The following TNIP3 variants were observed in gnomAD, a reference collection of about 807,000 sequenced individuals.
TNIP3 encodes TNFAIP3 interacting protein 3.
TNIP3 carries 34 observed loss-of-function variants against 54.1 expected under a neutral mutation model. That is an observed-to-expected ratio of 0.63 (90% CI 0.48 to 0.84). The LOEUF (loss-of-function observed/expected upper bound fraction) is 0.84, where lower values mean the gene tolerates loss of function less well. Among genes scored for constraint, TNIP3 ranks in the 40% least tolerant of loss-of-function variants. TNIP3 has a pLI of 0.00. For synonymous variants in TNIP3, 134 were observed against 136.8 expected (o/e 0.98, Z 0.14); for missense variants, 366 against 387.6 (o/e 0.94, Z 0.47).
At chr4:121,171,531 A>C (rs1410462836) in intron 3 of TNIP3, among the ~76,000 whole-genome samples, 1 of 152,214 alleles carries the variant, frequency 6.6e-6, no homozygotes, top group Non-Finnish European at 1.5e-5. Context: ...AGGCATAAAA[A>C]CTTATACCAA....
intron 2 of TNIP3, among the ~76,000 whole-genome samples, chr4:121,190,282 C>A (rs1725238515): frequency 6.6e-6 from 1 of 152,194 alleles, no homozygotes; most frequent in Non-Finnish European, 1.5e-5. Flanking sequence ...GAATTATAAA[C>A]TTCATGAAGG....
At chr4:121,224,180 T>C (rs371261688) in intron 1 of TNIP3, among the ~76,000 whole-genome samples, 2 of 152,160 alleles carry the variant, frequency 1.3e-5, no homozygotes. Flanking sequence ...CTGGCCAATG[T>C]GGCGAAACCC....
intron 3 of TNIP3, among the ~76,000 whole-genome samples, chr4:121,170,015 TTC>T (rs1237754243): frequency 6.6e-6 from 1 of 152,184 alleles, no homozygotes; most frequent in African/African-American, 2.4e-5. Context: ...GTTTAAAGAT[TTC>T]TGAGTGCCCA....
rs188889719 is a variant in TNIP3, at chr4:121,139,759, A to G, written c.886-1075T>C. ...CTCCTCTGGCTTATGAAAAAGCTAG[A>G]AGAGGAAATGAGATCACCTCTGTTT... On this transcript the variant is annotated intron_variant, in intron 9 of 10. Transcript: ENST00000057513. 4.8e-3 allele frequency among the ~76,000 whole-genome samples: 734 copies of G among 152,274 alleles called. 1 individual carries two copies. Among genetic ancestry groups the G allele is most frequent in the South Asian group, 0.013 (63 of 4,820 alleles).
At chr4:121,221,647 C>A (rs1180998434) in intron 1 of TNIP3, among the ~76,000 whole-genome samples, 1 of 152,172 alleles carries the variant, frequency 6.6e-6, no homozygotes, top group Non-Finnish European at 1.5e-5. Flanking sequence ...AAATTACACA[C>A]CACTCTCATT....
In TNIP3 at chr4:121,132,634, C is replaced by A. The variant is rs202104406; in HGVS notation, c.975G>T (p.Pro325=). The change falls in exon 11 of 11, where the codon CCG becomes CCT. Residue 325 remains proline, a synonymous_variant. Transcript: ENST00000057513. ...CTCTCTCTGTTAGTGTGTACTTCTA[C>A]GGATGGACTTTCTTTACTGAGGATA... The part of the protein sequence containing the change: ...NGLSSVKKVH[P] 28 of 1,612,896 alleles carry A rather than the reference C, an allele frequency of 1.7e-5. No individual in the cohort carries two copies. Among genetic ancestry groups the A allele is most frequent in the Non-Finnish European group, 2.3e-5 (27 of 1,179,142 alleles).
intron 2 of TNIP3, among the ~76,000 whole-genome samples, chr4:121,199,456 A>C (rs1725767722): frequency 6.6e-6 from 1 of 152,212 alleles, no homozygotes; most frequent in African/African-American, 2.4e-5. Context: ...GTAGATGGGC[A>C]GGAAAAACAA....
At chr4:121,206,382 C>A (rs1726190848) in intron 2 of TNIP3, among the ~76,000 whole-genome samples, 1 of 152,080 alleles carries the variant, frequency 6.6e-6, no homozygotes, top group Non-Finnish European at 1.5e-5. Context: ...ATTCCCTGAT[C>A]CTCGGTTAAG....
rs563056426 is a variant in TNIP3, at chr4:121,197,397, G to A, written c.69-14601C>T. On this transcript the variant is annotated intron_variant, in intron 2 of 12. Coordinates refer to the TNIP3 transcript ENST00000507879. ...ACAAAAATTAGCTGGGCGTGGTGGC[G>A]GGTGCCTGTAGTCCCAGCTACTTGG... 7.2e-5 allele frequency among the ~76,000 whole-genome samples: 11 copies of A among 151,912 alleles called. No individual in the cohort carries two copies. In the South Asian group the frequency reaches 1.7e-3, roughly 23 times the overall value.
chr4:121,142,705 G>A (rs763797761), intron 8 of TNIP3, 21 bp downstream of exon 8: 28 of 1,597,882 alleles, frequency 1.8e-5, no homozygotes, highest in South Asian at 6.6e-5. Context: ...AAATGTATGC[G>A]TGAAAATTAG....
rs141306807 is a variant in TNIP3 at position 121,194,905 on chromosome 4, C to T, written c.69-12109G>A. Reference sequence around the variant, plus strand: ...CTTCTCAGCAGGGTAGAGTGGCTCACGCCTGTAATACTAGCACTCTGGGAA... The same window carrying T: ...CTTCTCAGCAGGGTAGAGTGGCTCATGCCTGTAATACTAGCACTCTGGGAA... On this transcript the variant is annotated intron_variant, in intron 2 of 12. Coordinates refer to the TNIP3 transcript ENST00000507879. 4.6e-3 allele frequency among the ~76,000 whole-genome samples: 706 copies of T among 152,172 alleles called. 6 individuals carry two copies. Among genetic ancestry groups the T allele is most frequent in the African/African-American group, 0.016 (672 of 41,520 alleles).
At chr4:121,144,649 G>T (rs992514600) in intron 7 of TNIP3, among the ~76,000 whole-genome samples, 1 of 152,186 alleles carries the variant, frequency 6.6e-6, no homozygotes, top group African/African-American at 2.4e-5. Context: ...TGATCTGCCC[G>T]CCTTGGCCTC....
intron 10 of TNIP3, chr4:121,136,779 C>T (rs1352023040): frequency 6.7e-6 from 1 of 148,240 alleles, no homozygotes; most frequent in Non-Finnish European, 1.5e-5. Flanking sequence ...TTCTTGAGCC[C>T]AGGAGTTTAA....
intron 3 of TNIP3, among the ~76,000 whole-genome samples, chr4:121,157,723 GAC>G (rs1388849817): frequency 6.6e-6 from 1 of 152,176 alleles, no homozygotes; most frequent in Non-Finnish European, 1.5e-5. Flanking sequence ...ATGACAGAGT[GAC>G]AGGTCCTCAG....
chr4:121,138,571 G>C lies in TNIP3; in HGVS notation c.946+53C>G. On this transcript the variant is annotated intron_variant, in intron 10 of 10. Transcript: ENST00000057513. ...GTATGTTGAGTAAACATCCCCAAAA[G>C]ATCCCATTAAGATGTAAACATGAAA... is the stretch of plus-strand genomic sequence containing the variant. 8 of 1,515,300 alleles carry C rather than the reference G, an allele frequency of 5.3e-6. No homozygotes were observed. The South Asian group carries it at 6.8e-5, about 13-fold the overall frequency. The allele number at this position is 1,515,300 out of a possible 1,614,324, so 93.9% of individuals were successfully genotyped here.
At chr4:121,198,529 C>G (rs1212597945) in intron 2 of TNIP3, among the ~76,000 whole-genome samples, 1 of 152,132 alleles carries the variant, frequency 6.6e-6, no homozygotes, top group Non-Finnish European at 1.5e-5. Flanking sequence ...TAGTGGTGAG[C>G]ATATTATGTC....
chr4:121,154,000 A>AACACAC (rs112783146), intron 5 of TNIP3, among the ~76,000 whole-genome samples: 9 of 149,200 alleles, frequency 6.0e-5, no homozygotes, highest in Admixed American at 1.3e-4. Context: ...TCCATAAAAC[A>AACACAC]ACACACACAC....
chr4:121,187,653 T>C (rs541993112), intron 2 of TNIP3, among the ~76,000 whole-genome samples: 1 of 152,348 alleles, frequency 6.6e-6, no homozygotes, highest in Admixed American at 6.5e-5. Flanking sequence ...TCCCTCCAAC[T>C]GAAATGTAGC....
chr4:121,138,848 T>G (rs558714625), intron 9 of TNIP3, among the ~76,000 whole-genome samples, 164 bp from the exon 10 acceptor site: 3 of 152,128 alleles, frequency 2.0e-5, no homozygotes, highest in Non-Finnish European at 4.4e-5. Context: ...CCCCCATCAC[T>G]GCCATCATCT....
Sources: allele counts gnomAD v4.1 joint callset (sites outside exome capture counted in the v4.1 genomes callset), GRCh38; gene constraint gnomAD v4.1.1; transcripts MANE v1.5; gene names NCBI Gene and HGNC (gene_info 2026-07-23, HGNC 2026-07-21).